The following ZNF217 variants were observed in gnomAD, a reference collection of about 807,000 sequenced individuals.
ZNF217 encodes zinc finger protein 217.
ZNF217 carries 12 observed loss-of-function variants against 73.3 expected under a neutral mutation model. That is an observed-to-expected ratio of 0.16 (90% CI 0.10 to 0.27). ZNF217 has a LOEUF of 0.27. Ranked by LOEUF, ZNF217 falls within the 10% of genes least tolerant of loss-of-function variation. The pLI is 1.00. For missense variants in ZNF217, 1,195 were observed against 1,327.8 expected, an observed-to-expected ratio of 0.90 and a Z score of 1.55; for synonymous variants, 588 against 516.4, an observed-to-expected ratio of 1.14 and a Z score of -1.88.
chr20:53,595,059 A>AAAC (rs1989018187), upstream of ZNF217, among the ~76,000 whole-genome samples: 2 of 149,982 alleles, frequency 1.3e-5, no homozygotes, highest in African/African-American at 4.9e-5. Flanking sequence ...AAAAAAAAAA[A>AAAC]AAAAAACCGC....
upstream of ZNF217, among the ~76,000 whole-genome samples, chr20:53,596,851 G>A (rs1173209079): frequency 1.3e-5 from 2 of 151,562 alleles, no homozygotes; most frequent in Non-Finnish European, 1.5e-5. Flanking sequence ...TTGGAGAAGG[G>A]GCAGAAAATC....
chr20:53,592,847 AAAAAG>A (rs1157932352), intron 1 of ZNF217, among the ~76,000 whole-genome samples: 3 of 151,536 alleles, frequency 2.0e-5, no homozygotes, highest in Non-Finnish European at 4.4e-5. Context: ...AAAAAAAAAA[AAAAAG>A]AAAAGAAAAA....
intron 4 of ZNF217, chr20:53,572,817 G>A (rs1254630323): frequency 1.3e-5 from 2 of 152,218 alleles, no homozygotes; most frequent in African/African-American, 2.4e-5. Context: ...CCAAGGAGAA[G>A]ATGTCCCTGG....
chr20:53,596,251 AAGAG>A (rs1277932434), upstream of ZNF217, among the ~76,000 whole-genome samples: 3 of 151,968 alleles, frequency 2.0e-5, no homozygotes, highest in Non-Finnish European at 4.4e-5. Flanking sequence ...AAAAAAAAAA[AAGAG>A]AGCGCCTTAT....
chr20:53,576,520 C>G lies in ZNF217; in HGVS notation c.2244G>C (p.Leu748Phe). ...DVHKNCRNKSLLRSRRTGCPP... is the reference protein window; with the variant it reads ...DVHKNCRNKSFLRSRRTGCPP... Reference sequence around the variant, plus strand: ...GGCATCCGGTACGTCGACTTCTAAGCAAGGACTTGTTTCGACAGTTTTTAT... The same window carrying G: ...GGCATCCGGTACGTCGACTTCTAAGGAAGGACTTGTTTCGACAGTTTTTAT... Residue 748 changes from leucine to phenylalanine, a missense_variant, in exon 4 of 6, where the codon TTG (leucine) becomes TTC (phenylalanine). Leu to Phe is a conservative substitution (Grantham distance 22). Around this residue, in one of 9 missense-constraint regions of ZNF217, gnomAD observed 649 missense variants for 642.8 expected, o/e 1.01. Transcript: ENST00000371471. The G allele has an allele frequency of 6.2e-7, 1 of 1,614,232 alleles. No individual in the cohort carries two copies. Among genetic ancestry groups the G allele is most frequent in the East Asian group, 2.2e-5 (1 of 44,888 alleles).
chr20:53,570,895 T>C (rs560781783), intron 5 of ZNF217, among the ~76,000 whole-genome samples: 89 of 152,328 alleles, frequency 5.8e-4, no homozygotes, highest in Admixed American at 2.7e-3. Flanking sequence ...GCAAACTGCA[T>C]AATCCATGCC....
At chr20:53,584,951 ATT>A (rs1988637384) in intron 1 of ZNF217, among the ~76,000 whole-genome samples, 1 of 151,882 alleles carries the variant, frequency 6.6e-6, no homozygotes, top group Non-Finnish European at 1.5e-5. Context: ...ACAAAGACTC[ATT>A]TATTTGAGGT....
At chr20:53,579,800 T>A (rs891762569) in intron 2 of ZNF217, among the ~76,000 whole-genome samples, 2 of 152,330 alleles carry the variant, frequency 1.3e-5, no homozygotes, top group South Asian at 2.1e-4. Flanking sequence ...AATGAACCAT[T>A]TTGCAAACAG....
rs770779784 is a variant in ZNF217, at chr20:53,582,261, T to C, written c.566A>G (p.Gln189Arg). ...TGCTGGACTACTCTCCAAGCCTTGC[T>C]GCAGTTTGCTTCTGGCCCCCGATTT... ...NGKSGARSKLQQGLESSPATI... is the reference protein window; with the variant it reads ...NGKSGARSKLRQGLESSPATI... The change falls in exon 2 of 6, where the codon CAG becomes CGG. Residue 189 changes from glutamine to arginine, a missense_variant. By Grantham distance (43) the Gln-to-Arg change is conservative (BLOSUM62 1). Transcript: ENST00000371471. This position sits in a 1 kb window ranked among gnomAD's most constrained non-coding sequence, Gnocchi z 4.8. 6.2e-7 allele frequency: 1 copy of C among 1,614,244 alleles called. No individual in the cohort carries two copies. The highest frequency in any genetic ancestry group is 8.5e-7 in the Non-Finnish European group (1 of 1,180,052).
intron 1 of ZNF217, among the ~76,000 whole-genome samples, chr20:53,590,517 A>C (rs530953069): frequency 1.7e-4 from 26 of 152,290 alleles, no homozygotes; most frequent in African/African-American, 6.3e-4. Flanking sequence ...CCTTTTTTAA[A>C]GTGGCATCTT....
At position 53,582,682 on chromosome 20, in the gene ZNF217, G is replaced by C; in HGVS notation, c.145C>G (p.Arg49Gly). ...ATGACATTTTTTTCTTGTGTAGCTCGGAATGGAACAACAGCGGTCCCTTTC... is the reference window on the plus strand; with the variant it reads ...ATGACATTTTTTTCTTGTGTAGCTCCGAATGGAACAACAGCGGTCCCTTTC... The part of the protein sequence containing the change: ...SMKGTAVVPF[R>G]ATQEKNVIQI... Residue 49 changes from arginine to glycine, a missense_variant, in exon 2 of 6, where the codon CGA (arginine) becomes GGA (glycine). Physicochemically the swap from Arg to Gly is moderately radical, Grantham distance 125. Transcript: ENST00000371471. The surrounding 1 kb of genome is among the most constrained non-coding windows in gnomAD (Gnocchi z 4.8). 2 of 1,613,950 alleles carry C rather than the reference G, an allele frequency of 1.2e-6. No homozygotes were observed. The highest frequency in any genetic ancestry group is 1.7e-6 in the Non-Finnish European group (2 of 1,180,004).
chr20:53,583,011 A>G lies in ZNF217; in HGVS notation c.-185T>C. The G allele has an allele frequency of 1.7e-6, 1 of 579,148 alleles. No homozygotes were observed. Among genetic ancestry groups the G allele is most frequent in the Non-Finnish European group, 2.9e-6 (1 of 342,624 alleles). 35.9% of individuals were successfully genotyped at this position (579,148 alleles called of 1,614,324 possible). A position where few individuals can be genotyped will look rare whatever the true frequency, so the allele number is the denominator to read the frequency against. Reference sequence around the variant, plus strand: ...TTTTAGGAAGCTCAGTGATGGTGTCACTGGTTCTTTCCACAAACAAGGCAT... The same window carrying G: ...TTTTAGGAAGCTCAGTGATGGTGTCGCTGGTTCTTTCCACAAACAAGGCAT... On this transcript the variant is annotated 5_prime_UTR_variant, in exon 2 of 6. It removes the in-frame stop codon of an upstream open reading frame in the 5' UTR. Transcript: ENST00000371471.
chr20:53,578,722 C>A (rs758475084), intron 2 of ZNF217, among the ~76,000 whole-genome samples: 2 of 152,166 alleles, frequency 1.3e-5, no homozygotes, highest in Non-Finnish European at 2.9e-5. Flanking sequence ...TTGCCTTAAT[C>A]ACAAGAAAGA....
At chr20:53,594,890 T>C (rs1238792328), upstream of ZNF217, among the ~76,000 whole-genome samples, 1 of 151,930 alleles carries the variant, frequency 6.6e-6, no homozygotes, top group Non-Finnish European at 1.5e-5. Context: ...AATGAGTATC[T>C]TCAGAAAGCT....
chr20:53,589,024 G>A (rs566171015), intron 1 of ZNF217, among the ~76,000 whole-genome samples: 2 of 152,306 alleles, frequency 1.3e-5, no homozygotes, highest in Non-Finnish European at 2.9e-5. Context: ...AGAAGTAAAA[G>A]TAACTATTAC....
chr20:53,597,297 T>TA (rs1465433213), upstream of ZNF217, among the ~76,000 whole-genome samples: 2 of 152,088 alleles, frequency 1.3e-5, no homozygotes, highest in African/African-American at 4.8e-5. Context: ...CCAACATAGA[T>TA]ACGGGACGTA....
Position 53,567,281 on chromosome 20 carries a change from A to T in ZNF217, c.*2007T>A, listed in dbSNP as rs1004016957. The T allele has an allele frequency of 2.0e-5, 3 of 152,678 alleles. No individual in the cohort carries two copies. The highest frequency in any genetic ancestry group is 4.4e-5 in the Non-Finnish European group (3 of 68,042). The allele number at this position is 152,678 out of a possible 1,614,324, so 9.5% of individuals were successfully genotyped here. A position where few individuals can be genotyped will look rare whatever the true frequency, so the allele number is the denominator to read the frequency against. On this transcript the variant is annotated 3_prime_UTR_variant, in exon 6 of 6. Transcript: ENST00000371471. ...TGTACTGTTGTCTCAAAGAAAAAAA[A>T]ATATAAAACCAGTAGTATACCAATA...
rs1988473389 is a variant in ZNF217 at position 53,581,340 on chromosome 20, ACT to A, written c.1366+119_1366+120del. 5 of 1,382,164 alleles carry A rather than the reference ACT, an allele frequency of 3.6e-6. No individual in the cohort carries two copies. The highest frequency in any genetic ancestry group is 3.9e-6 in the Non-Finnish European group (4 of 1,032,328). 85.6% of individuals were successfully genotyped at this position (1,382,164 alleles called of 1,614,324 possible). ...TGATACCAAAAAGAGCCTGGACTTG[ACT>A]CTGGCTCTCCAAACCCCATTCCTGG... On this transcript the variant is annotated intron_variant, in intron 2 of 5. Transcript: ENST00000371471. This position sits in a 1 kb window ranked among gnomAD's most constrained non-coding sequence, Gnocchi z 4.9.
chr20:53,569,289 T>C (rs1378555911), intron 5 of ZNF217, 25 bp from the exon 6 acceptor site: 3 of 1,283,682 alleles, frequency 2.3e-6, no homozygotes, highest in African/African-American at 1.6e-5. Context: ...ATTTTTTAAA[T>C]GATTAAGATC....
Sources: gnomAD v4.1 joint callset for allele counts (sites outside exome capture counted in the v4.1 genomes callset) on GRCh38, gnomAD v4.1.1 for gene constraint, gnomAD v4.1.1 regional missense constraint, Gnocchi (gnomAD v3.1) non-coding constraint, MANE v1.5 for transcripts, NCBI Gene and HGNC (gene_info 2026-07-23, HGNC 2026-07-21) for gene names.